The following CNTNAP2 variants were observed in gnomAD, a reference collection of about 807,000 sequenced individuals.
CNTNAP2 encodes the protein contactin-associated protein-like 2.
In CNTNAP2, 98 loss-of-function variants were observed where a neutral mutation model predicts 155.2. The ratio of observed to expected loss-of-function variants is 0.63; its 90% CI spans 0.54 to 0.75. The LOEUF is 0.75. Ranked by LOEUF, CNTNAP2 falls within the 30% of genes least tolerant of loss-of-function variation. The pLI is 0.00. For missense variants in CNTNAP2, 1,727 were observed against 1,688.1 expected (o/e 1.02, Z -0.40); for synonymous variants, 651 against 631.2 (o/e 1.03, Z -0.47).
chr7:147,924,653 G>GTGATGGTT (rs1274679698), intron 14 of CNTNAP2, among the ~76,000 whole-genome samples: 11 of 152,266 alleles, frequency 7.2e-5, no homozygotes, highest in African/African-American at 2.6e-4. Context: ...GGGAATGAGT[G>GTGATGGTT]TGATGGTTAA....
In CNTNAP2 at chr7:147,969,342, G is replaced by A. The variant is rs115358659; in HGVS notation, c.2256-8520G>A. Among the ~76,000 whole-genome samples the A allele has an allele frequency of 2.3e-3, 352 of 152,160 alleles. 3 individuals carry two copies. The highest frequency in any genetic ancestry group is 0.014 in the Middle Eastern group (4 of 294). On this transcript the variant is annotated intron_variant, in intron 14 of 23. Transcript: ENST00000361727. ...CTGGGATTAAGGGATGAGCCCCCACGCCCAGCCAAACTGGGCCCCTTCTGA... is the reference window on the plus strand; with the variant it reads ...CTGGGATTAAGGGATGAGCCCCCACACCCAGCCAAACTGGGCCCCTTCTGA...
At chr7:147,476,266 C>T (rs748298365) in intron 10 of CNTNAP2, among the ~76,000 whole-genome samples, 11 of 151,850 alleles carry the variant, frequency 7.2e-5, no homozygotes, top group Non-Finnish European at 1.3e-4. Flanking sequence ...CCACCATGCC[C>T]AGCTACTTTT....
chr7:147,203,199 T>G (rs1802955922), intron 8 of CNTNAP2, among the ~76,000 whole-genome samples: 1 of 152,160 alleles, frequency 6.6e-6, no homozygotes, highest in African/African-American at 2.4e-5. Flanking sequence ...CATTTCTGAT[T>G]AAAATTTTTT....
chr7:148,032,710 G>T (rs1322481804), intron 15 of CNTNAP2, among the ~76,000 whole-genome samples: 1 of 152,136 alleles, frequency 6.6e-6, no homozygotes, highest in Non-Finnish European at 1.5e-5. Context: ...CAGCCCTTGG[G>T]CGCTAAGCAG....
In CNTNAP2 at chr7:146,908,011, A is replaced by G. The variant is rs890932345; in HGVS notation, c.402+68107A>G. ...GCAGGGGTTGCAATCCTAGTCTCTG[A>G]TAAAACAGACTTTAAACCAACAAAG... On this transcript the variant is annotated intron_variant, in intron 3 of 23. Transcript: ENST00000361727. Among the ~76,000 whole-genome samples, 3 of 152,174 alleles carry G rather than the reference A, an allele frequency of 2.0e-5. 1 individual carries two copies. The highest frequency in any genetic ancestry group is 4.1e-4 in the South Asian group (2 of 4,828).
chr7:146,991,992 C>T lies in CNTNAP2; in HGVS notation c.403-51915C>T, dbSNP rs1454915282. On this transcript the variant is annotated intron_variant, in intron 3 of 23. Transcript: ENST00000361727. Reference sequence around the variant, plus strand: ...CTTTACTCACTCAGCAAACACTATTCATTTCAAGGTTTTGGTGTTACATCA... The same window carrying T: ...CTTTACTCACTCAGCAAACACTATTTATTTCAAGGTTTTGGTGTTACATCA... Among the ~76,000 whole-genome samples, 6 of 152,206 alleles carry T rather than the reference C, an allele frequency of 3.9e-5. No homozygotes were observed. The South Asian group carries it at 1.2e-3, about 32-fold the overall frequency.
intron 15 of CNTNAP2, among the ~76,000 whole-genome samples, chr7:148,001,546 G>A (rs1364613177): frequency 1.3e-5 from 2 of 152,186 alleles, no homozygotes; most frequent in African/African-American, 4.8e-5. Context: ...AATCATTGGA[G>A]TTGTCAATCA....
chr7:146,581,393 T>C (rs1798608688), intron 1 of CNTNAP2, among the ~76,000 whole-genome samples: 1 of 152,114 alleles, frequency 6.6e-6, no homozygotes, highest in Admixed American at 6.6e-5. Flanking sequence ...GTTATACCAA[T>C]GAAATAAAAT....
chr7:147,736,088 C>T (rs545512897), intron 13 of CNTNAP2, among the ~76,000 whole-genome samples: 5 of 148,704 alleles, frequency 3.4e-5, no homozygotes, highest in African/African-American at 9.7e-5. Context: ...TTATTTTGCT[C>T]GTTAGTTGAT....
chr7:146,630,569 T>C (rs189770527), intron 1 of CNTNAP2, among the ~76,000 whole-genome samples: 1,862 of 152,290 alleles, frequency 0.012, 17 homozygotes, highest in Middle Eastern at 0.024. Flanking sequence ...TCTTCCACAA[T>C]GGTTGAACTG....
chr7:147,277,966 A>T (rs1804937622), intron 8 of CNTNAP2, among the ~76,000 whole-genome samples: 2 of 151,790 alleles, frequency 1.3e-5, no homozygotes, highest in South Asian at 4.1e-4. Flanking sequence ...CATACCATGA[A>T]ATGCATGCAA....
intron 13 of CNTNAP2, among the ~76,000 whole-genome samples, chr7:147,767,493 T>C (rs1418388289): frequency 1.3e-5 from 2 of 152,152 alleles, no homozygotes; most frequent in Non-Finnish European, 1.5e-5. Context: ...TATCTTCAGA[T>C]GTGTAATCAT....
chr7:147,856,680 T>C (rs759819600), intron 13 of CNTNAP2, among the ~76,000 whole-genome samples: 7 of 151,780 alleles, frequency 4.6e-5, no homozygotes, highest in Non-Finnish European at 8.8e-5. Context: ...AGTCAAAAAT[T>C]AGAAAGAAAG....
intron 1 of CNTNAP2, among the ~76,000 whole-genome samples, chr7:146,368,865 T>G (rs1297737656): frequency 2.7e-5 from 4 of 149,862 alleles, no homozygotes; most frequent in Admixed American, 6.7e-5. Context: ...TATATATATA[T>G]AGATGCTTGC....
intron 1 of CNTNAP2, among the ~76,000 whole-genome samples, chr7:146,396,269 A>C (rs578068280): frequency 6.6e-6 from 1 of 152,232 alleles, no homozygotes; most frequent in East Asian, 1.9e-4. Flanking sequence ...TTTACTCACA[A>C]CATTTCAACA....
At chr7:147,580,208 T>C (rs935712859) in intron 12 of CNTNAP2, among the ~76,000 whole-genome samples, 1 of 152,200 alleles carries the variant, frequency 6.6e-6, no homozygotes, top group African/African-American at 2.4e-5. Context: ...TACTATGTTT[T>C]ATATTCCTTC....
At chr7:146,681,775 A>G (rs1264809787) in intron 1 of CNTNAP2, among the ~76,000 whole-genome samples, 1 of 152,120 alleles carries the variant, frequency 6.6e-6, no homozygotes, top group African/African-American at 2.4e-5. Flanking sequence ...AACATAAAAT[A>G]AAGGTTTGAA....
chr7:146,243,068 T>TTAAG lies in CNTNAP2; in HGVS notation c.97+126096_97+126097insAAGT, dbSNP rs1563004320. ...CTTGTTTTTGTTTGTGATTTCTGTT[T>TTAAG]TTTAGTCTTCCTCCACCAAAGCTGT... On this transcript the variant is annotated intron_variant, in intron 1 of 23. Transcript: ENST00000361727. 5.6e-3 allele frequency among the ~76,000 whole-genome samples: 847 copies of TTAAG among 151,826 alleles called. 4 individuals are homozygous for TTAAG. Among genetic ancestry groups the TTAAG allele is most frequent in the African/African-American group, 0.019 (795 of 41,206 alleles).
chr7:147,083,106 G>C (rs894224083), intron 4 of CNTNAP2: 6 of 152,046 alleles, frequency 3.9e-5, no homozygotes, highest in African/African-American at 1.4e-4. Context: ...GGATTGCCTC[G>C]GTTGACTTGG....
Sources: allele counts gnomAD v4.1 joint callset (sites outside exome capture counted in the v4.1 genomes callset), GRCh38; gene constraint gnomAD v4.1.1; transcripts MANE v1.5; gene names NCBI Gene and HGNC (gene_info 2026-07-23, HGNC 2026-07-21).